Variants in SHISA9 observed in about 807,000 individuals in gnomAD.
SHISA9 encodes protein shisa-9.
Under a neutral mutation model 38.0 loss-of-function variants are expected in SHISA9, and 13 were observed. The observed-to-expected ratio is 0.34, with a 90% CI of 0.22 to 0.54. SHISA9 has a LOEUF of 0.54. Among genes scored for constraint, SHISA9 ranks in the 20% least tolerant of loss-of-function variants. The pLI is 0.91. For missense variants in SHISA9, 538 were observed against 575.8 expected, an observed-to-expected ratio of 0.93 and a Z score of 0.67; for synonymous variants, 275 against 242.0, an observed-to-expected ratio of 1.14 and a Z score of -1.27.
the SHISA9 span, among the ~76,000 whole-genome samples, chr16:13,442,271 A>G: frequency 6.6e-6 from 1 of 152,242 alleles, no homozygotes; most frequent in Non-Finnish European, 1.5e-5. Flanking sequence ...AGAGACACAG[A>G]GACACCTGAA....
At chr16:12,997,410 GT>G (rs34930368) in intron 2 of SHISA9, among the ~76,000 whole-genome samples, 3,068 of 134,014 alleles carry the variant, frequency 0.023, 36 homozygotes, top group African/African-American at 0.038. Flanking sequence ...GCTTAACCTA[GT>G]TTTTTTTTTT....
the SHISA9 span, among the ~76,000 whole-genome samples, chr16:13,413,290 A>G: frequency 6.6e-6 from 1 of 152,206 alleles, no homozygotes; most frequent in African/African-American, 2.4e-5. Flanking sequence ...AACCTTCTGT[A>G]AGTCATTCGT....
At chr16:13,017,898 C>G (rs2072777153) in intron 2 of SHISA9, among the ~76,000 whole-genome samples, 1 of 152,226 alleles carries the variant, frequency 6.6e-6, no homozygotes, top group African/African-American at 2.4e-5. Flanking sequence ...ATTCAATCCC[C>G]TTGTTCAATG....
the SHISA9 span, among the ~76,000 whole-genome samples, chr16:13,282,238 T>C: frequency 1.3e-5 from 2 of 151,958 alleles, no homozygotes; most frequent in African/African-American, 4.8e-5. Flanking sequence ...ACATCTCACC[T>C]TTAGTTTTGA....
the SHISA9 span, among the ~76,000 whole-genome samples, chr16:13,249,926 G>T: frequency 6.6e-6 from 1 of 152,044 alleles, no homozygotes; most frequent in African/African-American, 2.4e-5. Flanking sequence ...TAGAGCCAGG[G>T]TTTTGCTATG....
At chr16:13,054,571 A>G (rs1288112764) in intron 2 of SHISA9, among the ~76,000 whole-genome samples, 1 of 152,230 alleles carries the variant, frequency 6.6e-6, no homozygotes, top group East Asian at 1.9e-4. Context: ...TTTTAAACAT[A>G]GGGACAAATT....
chr16:13,053,214 C>T (rs1390838276), intron 2 of SHISA9, among the ~76,000 whole-genome samples: 2 of 151,552 alleles, frequency 1.3e-5, no homozygotes, highest in African/African-American at 4.9e-5. Flanking sequence ...CCGCCCACCT[C>T]GGCCTCCCAA....
chr16:13,470,081 C>T, the SHISA9 span, among the ~76,000 whole-genome samples: 2 of 152,050 alleles, frequency 1.3e-5, no homozygotes, highest in Non-Finnish European at 2.9e-5. Flanking sequence ...CTTTTCTTTC[C>T]CCTATTTACT....
At chr16:13,503,071 T>C in the SHISA9 span, among the ~76,000 whole-genome samples, 1 of 152,140 alleles carries the variant, frequency 6.6e-6, no homozygotes, top group East Asian at 1.9e-4. Flanking sequence ...AAGGGAAGGA[T>C]ATTTAAGCCA....
At chr16:12,905,786 G>T (rs1050010446) in intron 1 of SHISA9, among the ~76,000 whole-genome samples, 3 of 151,928 alleles carry the variant, frequency 2.0e-5, no homozygotes, top group African/African-American at 7.3e-5. Flanking sequence ...TAGAGACAGG[G>T]TTCCACCTGG....
At chr16:13,266,746 A>G in the SHISA9 span, among the ~76,000 whole-genome samples, 1 of 152,182 alleles carries the variant, frequency 6.6e-6, no homozygotes, top group South Asian at 2.1e-4. Context: ...ACAGAGAGAA[A>G]AAAGGACATC....
chr16:13,351,757 G>A, the SHISA9 span, among the ~76,000 whole-genome samples: 6 of 152,234 alleles, frequency 3.9e-5, no homozygotes, highest in Admixed American at 2.6e-4. Flanking sequence ...CTGATTGCTC[G>A]ATATTTCAGG....
the SHISA9 span, among the ~76,000 whole-genome samples, chr16:13,342,876 C>G: frequency 6.6e-6 from 1 of 152,190 alleles, no homozygotes; most frequent in African/African-American, 2.4e-5. Context: ...CACACCTGAG[C>G]AGCTAAAAAC....
the SHISA9 span, among the ~76,000 whole-genome samples, chr16:13,327,132 G>A: frequency 6.6e-6 from 1 of 152,156 alleles, no homozygotes; most frequent in Non-Finnish European, 1.5e-5. Context: ...TACTCTATGT[G>A]AAAGACGCAT....
chr16:13,338,224 C>T, the SHISA9 span, among the ~76,000 whole-genome samples: 2 of 152,076 alleles, frequency 1.3e-5, no homozygotes, highest in South Asian at 4.1e-4. Flanking sequence ...CATTTGAATC[C>T]CTGGATCCAG....
intron 2 of SHISA9, among the ~76,000 whole-genome samples, chr16:13,015,244 T>C (rs2072726909): frequency 6.6e-6 from 1 of 152,258 alleles, no homozygotes; most frequent in Non-Finnish European, 1.5e-5. Context: ...CATGGTTGAG[T>C]AGTTGGGATG....
intron 2 of SHISA9, among the ~76,000 whole-genome samples, chr16:13,173,819 G>A (rs972063464): frequency 6.6e-6 from 1 of 152,192 alleles, no homozygotes; most frequent in Non-Finnish European, 1.5e-5. Context: ...GCCAGAGGAA[G>A]TTCACAGGGC....
chr16:13,199,643 A>G (rs944032317), intron 2 of SHISA9, among the ~76,000 whole-genome samples: 12 of 152,220 alleles, frequency 7.9e-5, no homozygotes, highest in African/African-American at 2.7e-4. Flanking sequence ...GTAGGTTCAA[A>G]TTCACTTGAC....
intron 1 of SHISA9, chr16:12,911,330 G>C (rs1484384935): frequency 1.0e-6 from 1 of 985,282 alleles, no homozygotes; most frequent in African/African-American, 1.7e-5. Context: ...GTGGCTTGGA[G>C]CACATAGTTG....
Sources: gnomAD v4.1 joint callset for allele counts (sites outside exome capture counted in the v4.1 genomes callset) on GRCh38, gnomAD v4.1.1 for gene constraint, MANE v1.5 for transcripts, NCBI Gene and HGNC (gene_info 2026-07-23, HGNC 2026-07-21) for gene names.